Variants in FLRT2 observed in about 807,000 individuals in gnomAD.
The protein encoded by FLRT2 is leucine-rich repeat transmembrane protein FLRT2.
A neutral mutation model predicts 40.0 loss-of-function variants in FLRT2; 15 were observed. That is an observed-to-expected ratio of 0.38 (90% CI 0.25 to 0.58). The LOEUF (loss-of-function observed/expected upper bound fraction) is 0.58. Ranked by LOEUF, FLRT2 falls within the 20% of genes least tolerant of loss-of-function variation. FLRT2 has a pLI of 0.71. For synonymous variants in FLRT2, 380 were observed against 336.8 expected, an observed-to-expected ratio of 1.13 and a Z score of -1.41; for missense variants, 726 against 840.0, an observed-to-expected ratio of 0.86 and a Z score of 1.68.
chr14:85,581,357 G>C (rs1463613286), intron 1 of FLRT2, among the ~76,000 whole-genome samples: 1 of 152,178 alleles, frequency 6.6e-6, no homozygotes, highest in Non-Finnish European at 1.5e-5. Flanking sequence ...CTCATAACAG[G>C]ATACCACTTA....
rs768810130 is a variant in FLRT2 at position 85,645,888 on chromosome 14, C to T, written c.*22391C>T. On this transcript the variant is annotated 3_prime_UTR_variant, in exon 2 of 2. Transcript: ENST00000330753. ...CCTAAGAGCCCAATTCTGATACTCT[C>T]ATATTGCACTATTCACTAGGAGGTT... is the stretch of plus-strand genomic sequence containing the variant. The T allele has an allele frequency of 1.3e-5, 2 of 152,158 alleles. No individual in the cohort carries two copies. Among genetic ancestry groups the T allele is most frequent in the South Asian group, 2.1e-4 (1 of 4,832 alleles). The allele number at this position is 152,158 out of a possible 1,614,324, so 9.4% of individuals were successfully genotyped here. A position where few individuals can be genotyped will look rare whatever the true frequency, so the allele number is the denominator to read the frequency against.
chr14:85,579,076 C>G (rs1891266883), intron 1 of FLRT2, among the ~76,000 whole-genome samples: 1 of 152,134 alleles, frequency 6.6e-6, no homozygotes, highest in Admixed American at 6.6e-5. Context: ...CTGTTCCTCT[C>G]CCACCCTCCC....
chr14:85,563,285 T>G (rs1890455782), intron 1 of FLRT2, among the ~76,000 whole-genome samples: 1 of 152,170 alleles, frequency 6.6e-6, no homozygotes, highest in South Asian at 2.1e-4. Context: ...GAGATTGGAA[T>G]GAGACTGGAT....
At chr14:85,611,917 CGTGT>C (rs71120529) in intron 1 of FLRT2, among the ~76,000 whole-genome samples, 11,207 of 130,808 alleles carry the variant, frequency 0.086, 508 homozygotes, top group East Asian at 0.15. Context: ...TGCGCGAAAG[CGTGT>C]GTGTGTGTGT....
At chr14:85,543,913 C>T (rs8021155) in intron 1 of FLRT2, among the ~76,000 whole-genome samples, 10,664 of 152,156 alleles carry the variant, frequency 0.07, 825 homozygotes, top group African/African-American at 0.19. Context: ...AATGTGTCTG[C>T]TTACATGTCT....
At chr14:85,541,073 G>T (rs955306300) in intron 1 of FLRT2, among the ~76,000 whole-genome samples, 4 of 152,104 alleles carry the variant, frequency 2.6e-5, no homozygotes, top group Non-Finnish European at 5.9e-5. Context: ...TCCTTAATAT[G>T]ATAAAAATAG....
chr14:85,637,784 A>T lies in FLRT2; in HGVS notation c.*14287A>T, dbSNP rs1383522469. On this transcript the variant is annotated 3_prime_UTR_variant, in exon 2 of 2. Transcript: ENST00000330753. ...AATAGTTTCCTTTGCGCTTCTGTGGATGTCTCTGAAAAAGCTGGCAGGGCA... is the reference window on the plus strand; with the variant it reads ...AATAGTTTCCTTTGCGCTTCTGTGGTTGTCTCTGAAAAAGCTGGCAGGGCA... 2.0e-5 allele frequency: 3 copies of T among 152,140 alleles called. No individual in the cohort carries two copies. The highest frequency in any genetic ancestry group is 7.2e-5 in the African/African-American group (3 of 41,408). 9.4% of individuals were successfully genotyped at this position (152,140 alleles called of 1,614,324 possible). A position where few individuals can be genotyped will look rare whatever the true frequency, so the allele number is the denominator to read the frequency against.
rs1460945595 is a variant in FLRT2, at chr14:85,646,998, T to A, written c.*23501T>A. ...ATGCACAGCTGACCAAAGCTATAGC[T>A]TCCCAATTACTTGATGAACAGCTAT... On this transcript the variant is annotated 3_prime_UTR_variant, in exon 2 of 2. Coordinates refer to ENST00000330753, the MANE Select transcript of FLRT2 (RefSeq NM_013231.6). 6.6e-6 allele frequency: 1 copy of A among 152,192 alleles called. No homozygotes were observed. Among genetic ancestry groups the A allele is most frequent in the African/African-American group, 2.4e-5 (1 of 41,452 alleles). The allele number at this position is 152,192 out of a possible 1,614,324, so 9.4% of individuals were successfully genotyped here.
chr14:85,550,262 G>A (rs1188435151), intron 1 of FLRT2, among the ~76,000 whole-genome samples: 1 of 152,152 alleles, frequency 6.6e-6, no homozygotes, highest in Non-Finnish European at 1.5e-5. Context: ...TATGGGGACA[G>A]TGCTGTGAGT....
rs1487666441 is a variant in FLRT2 at position 85,623,842 on chromosome 14, T to C, written c.*345T>C. The C allele has an allele frequency of 4.8e-6, 1 of 206,628 alleles. No individual in the cohort carries two copies. The highest frequency in any genetic ancestry group is 1.1e-5 in the Non-Finnish European group (1 of 95,108). 12.8% of individuals were successfully genotyped at this position (206,628 alleles called of 1,614,324 possible). On this transcript the variant is annotated 3_prime_UTR_variant, in exon 2 of 2. Transcript: ENST00000330753. ...AGGATACACATCAACCACTTTGCTGTTGAAGCTGTCAGAATAAATTCCTGG... is the reference window on the plus strand; with the variant it reads ...AGGATACACATCAACCACTTTGCTGCTGAAGCTGTCAGAATAAATTCCTGG...
At chr14:85,592,830 C>T (rs960769099) in intron 1 of FLRT2, among the ~76,000 whole-genome samples, 5 of 150,250 alleles carry the variant, frequency 3.3e-5, no homozygotes, top group Non-Finnish European at 1.5e-5. Flanking sequence ...AACCTGGAAC[C>T]GCATGAATTC....
At chr14:85,543,034 A>C (rs1349446629) in intron 1 of FLRT2, among the ~76,000 whole-genome samples, 1 of 152,226 alleles carries the variant, frequency 6.6e-6, no homozygotes, top group Non-Finnish European at 1.5e-5. Context: ...GCCAAGAAGA[A>C]GAACCTAAAG....
At position 85,621,512 on chromosome 14, in the gene FLRT2, G is replaced by T; in HGVS notation, c.-3G>T. On this transcript the variant is annotated 5_prime_UTR_variant, in exon 2 of 2. Transcript: ENST00000330753. ...CATTGTATTTTATTTCCGTACTTCAGAAATGGGCCTACAGACCACAAAGTG... is the reference window on the plus strand; with the variant it reads ...CATTGTATTTTATTTCCGTACTTCATAAATGGGCCTACAGACCACAAAGTG... 1 of 1,573,520 alleles carries T rather than the reference G, an allele frequency of 6.4e-7. No homozygotes were observed. Among genetic ancestry groups the T allele is most frequent in the Non-Finnish European group, 8.6e-7 (1 of 1,163,184 alleles).
intron 1 of FLRT2, among the ~76,000 whole-genome samples, chr14:85,591,099 T>C (rs1315493610): frequency 1.3e-5 from 2 of 152,188 alleles, no homozygotes; most frequent in African/African-American, 4.8e-5. Flanking sequence ...GGTAGCATGA[T>C]AGTAACTGCA....
rs567833005 is a variant in FLRT2, at chr14:85,558,355, G to A, written c.-377+27821G>A. Among the ~76,000 whole-genome samples, 14 of 151,990 alleles carry A rather than the reference G, an allele frequency of 9.2e-5. 2 individuals carry two copies. Among genetic ancestry groups the A allele is most frequent in the African/African-American group, 3.4e-4 (14 of 41,458 alleles). ...TAAATTTTTTAAAAAAAGTAAATAA[G>A]GATAAAAGAAAAACCGAGTAGGTGG... On this transcript the variant is annotated intron_variant, in intron 1 of 1. Coordinates refer to ENST00000330753, the MANE Select transcript of FLRT2 (RefSeq NM_013231.6).
In FLRT2 at chr14:85,636,526, T is replaced by C. The variant is rs1894008769; in HGVS notation, c.*13029T>C. 1 of 152,006 alleles carries C rather than the reference T, an allele frequency of 6.6e-6. No homozygotes were observed. The highest frequency in any genetic ancestry group is 1.5e-5 in the Non-Finnish European group (1 of 67,992). 9.4% of individuals were successfully genotyped at this position (152,006 alleles called of 1,614,324 possible). A position where few individuals can be genotyped will look rare whatever the true frequency, so the allele number is the denominator to read the frequency against. ...TAGCTGTCACTATGGAAGTAATTACTCTAAAGGAAATCTGTTTTAAAAAGC... is the reference window on the plus strand; with the variant it reads ...TAGCTGTCACTATGGAAGTAATTACCCTAAAGGAAATCTGTTTTAAAAAGC... On this transcript the variant is annotated 3_prime_UTR_variant, in exon 2 of 2. Transcript: ENST00000330753.
At chr14:85,583,497 G>T (rs866736698) in intron 1 of FLRT2, among the ~76,000 whole-genome samples, 5 of 152,208 alleles carry the variant, frequency 3.3e-5, no homozygotes, top group Middle Eastern at 6.8e-3. Context: ...TGAATTTTAG[G>T]AACAGAACGC....
At chr14:85,613,858 G>A (rs1448483996) in intron 1 of FLRT2, among the ~76,000 whole-genome samples, 2 of 152,152 alleles carry the variant, frequency 1.3e-5, no homozygotes, top group Non-Finnish European at 2.9e-5. Context: ...TTATTTTCAG[G>A]ATTGATGGAA....
chr14:85,619,238 C>A (rs375223561), intron 1 of FLRT2, among the ~76,000 whole-genome samples: 1 of 151,834 alleles, frequency 6.6e-6, no homozygotes, highest in Non-Finnish European at 1.5e-5. Flanking sequence ...CTCATACCAC[C>A]GCACCTGGCT....
Sources: gnomAD v4.1 joint callset for allele counts (sites outside exome capture counted in the v4.1 genomes callset) on GRCh38, gnomAD v4.1.1 for gene constraint, MANE v1.5 for transcripts, NCBI Gene and HGNC (gene_info 2026-07-23, HGNC 2026-07-21) for gene names.